CHRDL1: variants seen among roughly 807,000 people sequenced by gnomAD.
The protein encoded by CHRDL1 is chordin like 1.
Under a neutral mutation model 40.9 loss-of-function variants are expected in CHRDL1, and 19 were observed. That is an observed-to-expected ratio of 0.46 (90% CI 0.32 to 0.68). CHRDL1 has a LOEUF of 0.68. Ranked by LOEUF, CHRDL1 falls within the 30% of genes least tolerant of loss-of-function variation. The pLI, the probability that CHRDL1 is intolerant of heterozygous loss-of-function variation, is 0.03. For missense variants in CHRDL1, 329 were observed against 352.1 expected, an observed-to-expected ratio of 0.93 and a Z score of 0.53; for synonymous variants, 136 against 123.4, an observed-to-expected ratio of 1.10 and a Z score of -0.68.
At chrX:110,715,058 T>C (rs1231402882) in intron 6 of CHRDL1, among the ~76,000 whole-genome samples, 1 of 111,650 alleles carries the variant, frequency 9.0e-6, no homozygotes, top group East Asian at 2.8e-4. Flanking sequence ...ATTTAGTCTT[T>C]ATAAAGGAAG....
chrX:110,684,957 G>A (rs1443424266), intron 9 of CHRDL1, among the ~76,000 whole-genome samples: 1 of 112,105 alleles, frequency 8.9e-6, no homozygotes, highest in Non-Finnish European at 1.9e-5. Flanking sequence ...CCACAAACTT[G>A]AGCAGAGTGG....
chrX:110,752,738 C>T (rs189709717), intron 4 of CHRDL1, among the ~76,000 whole-genome samples: 2 of 111,262 alleles, frequency 1.8e-5, no homozygotes, highest in Non-Finnish European at 3.8e-5. Flanking sequence ...TTGCACACTA[C>T]AGCTATTGTA....
intron 2 of CHRDL1, among the ~76,000 whole-genome samples, chrX:110,773,723 CAAA>C (rs1171179610): frequency 0.046 from 1,614 of 35,311 alleles, 40 homozygotes; most frequent in African/African-American, 0.14. Context: ...GAGACTGCCT[CAAA>C]AAAAAAAAAA....
At chrX:110,676,415 C>A in intron 11 of CHRDL1, 54 bp from the exon 12 acceptor site, 1 of 1,150,432 alleles carries the variant, frequency 8.7e-7, no homozygotes, top group African/African-American at 1.8e-5. Context: ...GAAAGCAGAG[C>A]AAATTAGGAA....
chrX:110,709,899 G>A (rs959113921), intron 6 of CHRDL1, among the ~76,000 whole-genome samples: 37 of 111,434 alleles, frequency 3.3e-4, no homozygotes, highest in African/African-American at 1.2e-3. Context: ...CTACTTGGGA[G>A]GCTGAGGCGG....
At chrX:110,782,223 A>G (rs995311554) in intron 2 of CHRDL1, among the ~76,000 whole-genome samples, 1 of 112,176 alleles carries the variant, frequency 8.9e-6, no homozygotes, top group African/African-American at 3.2e-5. Context: ...AGGGTTGTAC[A>G]TATCTGAATT....
intron 4 of CHRDL1, among the ~76,000 whole-genome samples, chrX:110,736,728 A>T (rs754198522): frequency 7.0e-4 from 78 of 111,703 alleles, no homozygotes; most frequent in Middle Eastern, 4.6e-3. Context: ...ATATATGCAA[A>T]CAATTTAGAG....
chrX:110,699,240 G>T (rs1027057890), intron 7 of CHRDL1, among the ~76,000 whole-genome samples: 1 of 111,885 alleles, frequency 8.9e-6, no homozygotes, highest in Admixed American at 9.6e-5. Context: ...CACTGCTGAA[G>T]CTTTGGGTTG....
intron 4 of CHRDL1, among the ~76,000 whole-genome samples, chrX:110,729,514 C>T (rs189509453): frequency 1.3e-4 from 15 of 111,549 alleles, no homozygotes; most frequent in African/African-American, 4.6e-4. Context: ...ATACTAATCC[C>T]GTTAAGTAAT....
At chrX:110,764,948 CCT>C (rs2089633308) in intron 2 of CHRDL1, among the ~76,000 whole-genome samples, 1 of 111,152 alleles carries the variant, frequency 9.0e-6, no homozygotes, top group Admixed American at 9.5e-5. Context: ...GCTCTCGAAC[CCT>C]GTTTTCTGTT....
At chrX:110,792,465 T>C (rs957160825) in intron 1 of CHRDL1, among the ~76,000 whole-genome samples, 2 of 112,370 alleles carry the variant, frequency 1.8e-5, no homozygotes, top group Non-Finnish European at 3.8e-5. Flanking sequence ...ACAGGCAAGT[T>C]ATAGGAAAAT....
Position 110,729,475 on chromosome X carries a change from T to A in CHRDL1, c.302-7945A>T, listed in dbSNP as rs565191115. Among the ~76,000 whole-genome samples, 3 of 111,698 alleles carry A rather than the reference T, an allele frequency of 2.7e-5. No individual in the cohort carries two copies. In the South Asian group the frequency reaches 1.2e-3, roughly 43 times the overall value. ...AAGAACTTAACTCTCCTGTGGCCCA[T>A]CACATTGAGGTCATGCTGGCAGGCC... On this transcript the variant is annotated intron_variant, in intron 4 of 11. Transcript: ENST00000372042.
rs1232919542 is a variant in CHRDL1, at chrX:110,695,390, G to A, written c.610-1059C>T. ...AACAAAACTCTGGTACCTAAGAAAA[G>A]CTTAGAGTCTTGTCATACAAGTAAT... On this transcript the variant is annotated intron_variant, in intron 7 of 11. Transcript: ENST00000372042. Among the ~76,000 whole-genome samples, 3 of 110,650 alleles carry A rather than the reference G, an allele frequency of 2.7e-5. No individual in the cohort carries two copies. In the Admixed American group the frequency reaches 2.9e-4, roughly 11 times the overall value.
chrX:110,776,303 G>A (rs1413859697), intron 2 of CHRDL1, among the ~76,000 whole-genome samples: 2 of 111,104 alleles, frequency 1.8e-5, no homozygotes, highest in Non-Finnish European at 3.8e-5. Flanking sequence ...CTCAATTTTT[G>A]TCTGAGAAAG....
intron 8 of CHRDL1, among the ~76,000 whole-genome samples, chrX:110,693,824 C>T (rs913990025): frequency 2.7e-5 from 3 of 111,337 alleles, no homozygotes; most frequent in African/African-American, 9.8e-5. Context: ...CACTGAGTAC[C>T]TTTGAATGTT....
intron 2 of CHRDL1, among the ~76,000 whole-genome samples, chrX:110,783,128 T>G (rs918185982): frequency 2.0e-4 from 22 of 112,449 alleles, no homozygotes; most frequent in Admixed American, 5.6e-4. Flanking sequence ...GTAAACATTA[T>G]AATTTTTTTT....
rs772669665 is a variant in CHRDL1 at position 110,721,475 on chromosome X, A to G, written c.357T>C (p.Asn119=). The G allele has an allele frequency of 8.3e-7, 1 of 1,207,039 alleles. No homozygotes were observed. The highest frequency in any genetic ancestry group is 1.1e-6 in the Non-Finnish European group (1 of 891,143). ...NKVTSKSCEY[N]GTTYQHGELF... is the part of the protein sequence containing the mutation. ...GCTCTCCATGTTGGTAAGTTGTCCC[A>G]TTGTACTCGCAAGACTTGCTGGTCA... is the stretch of plus-strand genomic sequence containing the variant. The change falls in exon 5 of 12, where the codon AAT becomes AAC. Residue 119 remains asparagine, a synonymous_variant. Transcript: ENST00000372042.
intron 8 of CHRDL1, among the ~76,000 whole-genome samples, chrX:110,693,067 C>T (rs995031817): frequency 2.7e-5 from 3 of 110,978 alleles, no homozygotes; most frequent in Admixed American, 9.6e-5. Flanking sequence ...CTTGCTCCAA[C>T]GAGCTGGTTG....
chrX:110,692,806 A>AT (rs748827603), intron 8 of CHRDL1, among the ~76,000 whole-genome samples: 1 of 112,269 alleles, frequency 8.9e-6, no homozygotes, highest in Admixed American at 9.5e-5. Flanking sequence ...AAGCAATTTA[A>AT]TTTTTTTATC....
Sources: allele counts gnomAD v4.1 joint callset (sites outside exome capture counted in the v4.1 genomes callset), GRCh38; gene constraint gnomAD v4.1.1; transcripts MANE v1.5; gene names NCBI Gene and HGNC (gene_info 2026-07-23, HGNC 2026-07-21).